The following RBFOX1 variants were observed in gnomAD, a reference collection of about 807,000 sequenced individuals.
RBFOX1 encodes the protein RNA binding fox-1 homolog 1.
A neutral mutation model predicts 57.7 loss-of-function variants in RBFOX1; 8 were observed. The ratio of observed to expected loss-of-function variants is 0.14; its 90% confidence interval spans 0.08 to 0.25. The LOEUF (loss-of-function observed/expected upper bound fraction) is 0.25, where lower values mean the gene tolerates loss of function less well. Ranked by LOEUF, RBFOX1 falls within the 10% of genes least tolerant of loss-of-function variation. The pLI, the probability that RBFOX1 is intolerant of heterozygous loss-of-function variation, is 1.00. For synonymous variants in RBFOX1, 326 were observed against 222.4 expected (o/e 1.47, Z -4.15); for missense variants, 611 against 548.5 (o/e 1.11, Z -1.14).
chr16:6,760,851 C>G (rs139108414), intron 3 of RBFOX1, among the ~76,000 whole-genome samples: 1 of 152,254 alleles, frequency 6.6e-6, no homozygotes, highest in African/African-American at 2.4e-5. Flanking sequence ...CAGGGAGTGG[C>G]GCTGCCTCTG....
chr16:5,411,622 C>T (rs1252676248), intron 1 of RBFOX1, among the ~76,000 whole-genome samples: 14 of 152,142 alleles, frequency 9.2e-5, no homozygotes, highest in East Asian at 7.7e-4. Flanking sequence ...AGTAGTTGGC[C>T]GGGTGCAGTG....
At chr16:7,387,205 C>T (rs575989707) in intron 4 of RBFOX1, among the ~76,000 whole-genome samples, 3 of 152,192 alleles carry the variant, frequency 2.0e-5, no homozygotes, top group Admixed American at 6.5e-5. Context: ...GAGTGCTTGC[C>T]ACACACCAAC....
intron 4 of RBFOX1, among the ~76,000 whole-genome samples, chr16:7,130,788 T>TA (rs1322626825): frequency 6.6e-6 from 1 of 152,168 alleles, no homozygotes; most frequent in Non-Finnish European, 1.5e-5. Flanking sequence ...GCATTTCTTT[T>TA]AAAAAATGGA....
chr16:7,521,475 C>T (rs8053794), intron 5 of RBFOX1, among the ~76,000 whole-genome samples: 141,334 of 152,184 alleles, frequency 0.93, 66,032 homozygotes, highest in Non-Finnish European at 0.99. Flanking sequence ...AGTTGGGGAG[C>T]TGAGATGCTC....
At chr16:5,951,305 G>T (rs190121023) in intron 4 of RBFOX1, among the ~76,000 whole-genome samples, 8 of 151,976 alleles carry the variant, frequency 5.3e-5, no homozygotes, top group Admixed American at 2.0e-4. Context: ...AAAATTACCC[G>T]GGTGTGGTGG....
chr16:6,682,535 G>A (rs151192922), intron 3 of RBFOX1, among the ~76,000 whole-genome samples: 28 of 152,232 alleles, frequency 1.8e-4, no homozygotes, highest in African/African-American at 6.5e-4. Flanking sequence ...GGCATTATTG[G>A]CAAACTGGAC....
At chr16:6,205,219 C>G (rs974939063) in intron 1 of RBFOX1, among the ~76,000 whole-genome samples, 13 of 152,104 alleles carry the variant, frequency 8.5e-5, no homozygotes, top group African/African-American at 3.1e-4. Context: ...GGGAGACTTG[C>G]TAGCTAGTTC....
rs372583081 is a variant in RBFOX1 at position 6,705,747 on chromosome 16, G to T, written c.-16+51097G>T. ...AAATTATAAATTAGGGCCTGGCATG[G>T]TGGCTTAAGCCTGTAATCCCAGCAA... On this transcript the variant is annotated intron_variant, in intron 3 of 15. Transcript: ENST00000550418. 8.5e-5 allele frequency among the ~76,000 whole-genome samples: 13 copies of T among 152,288 alleles called. 1 individual carries two copies. Among genetic ancestry groups the T allele is most frequent in the African/African-American group, 2.9e-4 (12 of 41,570 alleles).
intron 3 of RBFOX1, among the ~76,000 whole-genome samples, chr16:6,985,424 A>G (rs2090023592): frequency 6.6e-6 from 1 of 152,208 alleles, no homozygotes; most frequent in Admixed American, 6.5e-5. Flanking sequence ...AGGCAGGAAG[A>G]TCACTTCAGC....
At chr16:7,148,551 G>C (rs1020487217) in intron 4 of RBFOX1, among the ~76,000 whole-genome samples, 2 of 152,246 alleles carry the variant, frequency 1.3e-5, no homozygotes, top group Non-Finnish European at 2.9e-5. Context: ...TCCCTGAACA[G>C]ACAACATAGC....
intron 4 of RBFOX1, among the ~76,000 whole-genome samples, chr16:7,182,871 G>T (rs12919418): frequency 0.24 from 36,068 of 151,850 alleles, 4,677 homozygotes; most frequent in Non-Finnish European, 0.31. Flanking sequence ...CAACTTCTAT[G>T]TCTTCCAAAG....
intron 3 of RBFOX1, among the ~76,000 whole-genome samples, chr16:6,833,533 G>T (rs1320135592): frequency 6.6e-6 from 1 of 152,112 alleles, no homozygotes; most frequent in South Asian, 2.1e-4. Flanking sequence ...TGGAATGCCA[G>T]CCTGGCCAGC....
chr16:7,409,854 G>A (rs1238177449), intron 4 of RBFOX1, among the ~76,000 whole-genome samples: 1 of 152,138 alleles, frequency 6.6e-6, no homozygotes, highest in Non-Finnish European at 1.5e-5. Flanking sequence ...GCAGAGGCTG[G>A]GCAATGAAGA....
At chr16:5,415,531 C>G (rs928091017) in intron 1 of RBFOX1, among the ~76,000 whole-genome samples, 2 of 152,194 alleles carry the variant, frequency 1.3e-5, no homozygotes, top group Non-Finnish European at 2.9e-5. Flanking sequence ...AGGACCTGCT[C>G]TCCTCATTGT....
intron 2 of RBFOX1, among the ~76,000 whole-genome samples, chr16:5,476,318 G>A (rs986737013): frequency 6.6e-6 from 1 of 152,060 alleles, no homozygotes; most frequent in Non-Finnish European, 1.5e-5. Context: ...AATCTGATTC[G>A]GTAAATCTGG....
At chr16:7,527,600 C>G (rs928331118) in intron 5 of RBFOX1, among the ~76,000 whole-genome samples, 1 of 152,134 alleles carries the variant, frequency 6.6e-6, no homozygotes, top group South Asian at 2.1e-4. Flanking sequence ...CAGAGCTTGA[C>G]ATTTTCATTC....
At chr16:5,310,238 C>CA (rs376620414) in intron 1 of RBFOX1, among the ~76,000 whole-genome samples, 37 of 152,076 alleles carry the variant, frequency 2.4e-4, no homozygotes, top group African/African-American at 8.4e-4. Flanking sequence ...CCTGTCTCTA[C>CA]AAAAAATACA....
intron 4 of RBFOX1, among the ~76,000 whole-genome samples, chr16:7,243,211 C>G (rs574638195): frequency 6.6e-6 from 1 of 152,262 alleles, no homozygotes; most frequent in South Asian, 2.1e-4. Flanking sequence ...TTGCTACGTG[C>G]CAACAACTAC....
intron 4 of RBFOX1, among the ~76,000 whole-genome samples, chr16:7,215,702 C>G (rs1048124130): frequency 1.3e-5 from 2 of 151,004 alleles, no homozygotes; most frequent in Admixed American, 6.6e-5. Flanking sequence ...TATTTTCTAT[C>G]TCTAAGAATT....
Sources: allele counts gnomAD v4.1 joint callset (sites outside exome capture counted in the v4.1 genomes callset), GRCh38; gene constraint gnomAD v4.1.1; transcripts MANE v1.5; gene names NCBI Gene and HGNC (gene_info 2026-07-23, HGNC 2026-07-21).